The following RAP1A variants were observed in gnomAD, a reference collection of about 807,000 sequenced individuals.
The protein encoded by RAP1A is RAP1A, member of RAS oncogene family, also known as ras-related protein Rap-1A.
Under a neutral mutation model 26.4 loss-of-function variants are expected in RAP1A, and 6 were observed. That is an observed-to-expected ratio of 0.23 (90% CI 0.12 to 0.45). The LOEUF is 0.45. RAP1A is among the 20% of genes least tolerant of loss of function. The pLI is 0.99. For missense variants in RAP1A, 121 were observed against 217.2 expected (o/e 0.56, Z 2.78); for synonymous variants, 73 against 79.4 (o/e 0.92, Z 0.43).
At chr1:111,653,302 G>A (rs945859487) in intron 1 of RAP1A, among the ~76,000 whole-genome samples, 6 of 152,058 alleles carry the variant, frequency 3.9e-5, no homozygotes, top group Middle Eastern at 3.4e-3. Context: ...TTTTGGGAGG[G>A]GTGATGAAAA....
intron 1 of RAP1A, among the ~76,000 whole-genome samples, chr1:111,591,725 G>T (rs1325894411): frequency 1.3e-5 from 2 of 152,186 alleles, no homozygotes; most frequent in East Asian, 3.8e-4. Flanking sequence ...CAGAGACCTG[G>T]ATCCTTCTAT....
intron 1 of RAP1A, among the ~76,000 whole-genome samples, chr1:111,634,156 G>T (rs190253439): frequency 7.9e-4 from 121 of 152,244 alleles, no homozygotes; most frequent in Middle Eastern, 6.8e-3. Flanking sequence ...AAAGAAATTG[G>T]CTGTTTAATC....
At chr1:111,690,486 C>T (rs993322975) in intron 1 of RAP1A, among the ~76,000 whole-genome samples, 8 of 152,250 alleles carry the variant, frequency 5.3e-5, no homozygotes, top group Non-Finnish European at 4.4e-5. Context: ...TCACCACAGT[C>T]TGAAAAATGC....
intron 1 of RAP1A, among the ~76,000 whole-genome samples, chr1:111,603,262 C>T (rs959033636): frequency 6.6e-6 from 1 of 152,204 alleles, no homozygotes; most frequent in African/African-American, 2.4e-5. Flanking sequence ...GTTCCTGGAA[C>T]GCCACCGATC....
At chr1:111,669,044 A>AG (rs1660892738) in intron 1 of RAP1A, among the ~76,000 whole-genome samples, 1 of 148,992 alleles carries the variant, frequency 6.7e-6, no homozygotes, top group African/African-American at 2.6e-5. Context: ...AAAAAAAAAA[A>AG]AAAAGAAAGA....
At chr1:111,632,968 T>G (rs893418954) in intron 1 of RAP1A, among the ~76,000 whole-genome samples, 2 of 151,032 alleles carry the variant, frequency 1.3e-5, no homozygotes, top group African/African-American at 4.9e-5. Context: ...GCAGGGACCT[T>G]CAGAGAGAAT....
rs77890496 is a variant in RAP1A at position 111,628,889 on chromosome 1, A to G, written c.-28+8955A>G. 7.9e-5 allele frequency among the ~76,000 whole-genome samples: 12 copies of G among 152,294 alleles called. No individual in the cohort carries two copies. The East Asian group carries it at 2.3e-3, about 29-fold the overall frequency. On this transcript the variant is annotated intron_variant, in intron 1 of 7. Coordinates refer to ENST00000369709, the MANE Select transcript of RAP1A (RefSeq NM_002884.4). Reference sequence around the variant, plus strand: ...AAGGATAAAACATTCCAAGATTCCTATCATTTCGTCAGTAAAAAGCATATA... The same window carrying G: ...AAGGATAAAACATTCCAAGATTCCTGTCATTTCGTCAGTAAAAAGCATATA...
chr1:111,566,085 T>C (rs894443252), intron 1 of RAP1A, among the ~76,000 whole-genome samples: 6 of 152,086 alleles, frequency 3.9e-5, no homozygotes, highest in African/African-American at 1.4e-4. Flanking sequence ...AAGTTGGGTC[T>C]GAAGGTCTCG....
chr1:111,699,678 C>A (rs1661958735), intron 4 of RAP1A, among the ~76,000 whole-genome samples: 1 of 151,204 alleles, frequency 6.6e-6, no homozygotes, highest in Admixed American at 6.6e-5. Flanking sequence ...CTATATTGTC[C>A]AAGCTGGTCT....
At chr1:111,661,655 C>T (rs956250093) in intron 1 of RAP1A, among the ~76,000 whole-genome samples, 15 of 152,044 alleles carry the variant, frequency 9.9e-5, no homozygotes, top group East Asian at 1.9e-4. Context: ...AAAAATTAGC[C>T]GGGCGTGGTG....
chr1:111,614,154 C>T (rs1207176638), intron 1 of RAP1A, among the ~76,000 whole-genome samples: 3 of 152,180 alleles, frequency 2.0e-5, no homozygotes, highest in South Asian at 2.1e-4. Flanking sequence ...AATAGCTCTC[C>T]GCTTTTGTAT....
chr1:111,655,243 G>GA (rs372916125), intron 1 of RAP1A, among the ~76,000 whole-genome samples: 22 of 96,132 alleles, frequency 2.3e-4, no homozygotes, highest in African/African-American at 4.0e-4. Context: ...TGAAAAAAAA[G>GA]AAAAAAAAAC....
At chr1:111,683,313 AAGATC>A (rs1447149426) in intron 1 of RAP1A, among the ~76,000 whole-genome samples, 1 of 152,124 alleles carries the variant, frequency 6.6e-6, no homozygotes, top group Non-Finnish European at 1.5e-5. Context: ...AGAAATAACT[AAGATC>A]AGAGCAGAAC....
At chr1:111,563,439 G>A (rs1202446693) in intron 1 of RAP1A, among the ~76,000 whole-genome samples, 1 of 152,150 alleles carries the variant, frequency 6.6e-6, no homozygotes, top group Non-Finnish European at 1.5e-5. Context: ...GTTCTCCAAG[G>A]CCAGATTGAG....
chr1:111,651,125 G>A (rs1660255721), intron 1 of RAP1A, among the ~76,000 whole-genome samples: 1 of 152,018 alleles, frequency 6.6e-6, no homozygotes, highest in Non-Finnish European at 1.5e-5. Context: ...TCATACAGAT[G>A]GTTTTGCTGC....
chr1:111,688,233 A>G (rs1019544199), intron 1 of RAP1A, among the ~76,000 whole-genome samples: 21 of 129,224 alleles, frequency 1.6e-4, no homozygotes, highest in Admixed American at 1.5e-4. Flanking sequence ...TAGATGTTCT[A>G]TTTTCTTGTC....
chr1:111,682,912 A>T (rs1661344185), intron 1 of RAP1A, among the ~76,000 whole-genome samples: 1 of 152,232 alleles, frequency 6.6e-6, no homozygotes, highest in Admixed American at 6.5e-5. Flanking sequence ...AAAATTGACC[A>T]CATAATTGGA....
At chr1:111,661,376 G>C (rs1278494995) in intron 1 of RAP1A, among the ~76,000 whole-genome samples, 1 of 152,232 alleles carries the variant, frequency 6.6e-6, no homozygotes, top group East Asian at 1.9e-4. Context: ...TAGGGATCCA[G>C]GTGTAAGCTG....
rs75767957 is a variant in RAP1A, at chr1:111,575,857, A to G, written c.-28+33348A>G. On this transcript the variant is annotated intron_variant, in intron 1 of 7. Transcript: ENST00000356415. ...AGCCTTATCAAACTAATACAATAGG[A>G]GAAATAATGTTCATAGATCACCTAG... 3.3e-5 allele frequency among the ~76,000 whole-genome samples: 5 copies of G among 152,352 alleles called. No homozygotes were observed. The East Asian group carries it at 9.6e-4, about 29-fold the overall frequency.
Sources: allele counts gnomAD v4.1 joint callset (sites outside exome capture counted in the v4.1 genomes callset), GRCh38; gene constraint gnomAD v4.1.1; transcripts MANE v1.5; gene names NCBI Gene and HGNC (gene_info 2026-07-23, HGNC 2026-07-21).